PRX: variants seen among roughly 807,000 people sequenced by gnomAD.
PRX encodes the protein periaxin.
PRX carries 24 observed loss-of-function variants against 29.6 expected under a neutral mutation model. The observed-to-expected ratio is 0.81, with a 90% CI of 0.59 to 1.14. PRX has a LOEUF of 1.14. Among genes scored for constraint, PRX ranks in the 50% most tolerant of loss-of-function variants. The pLI is 0.00. For missense variants in PRX, 1,838 were observed against 1,926.4 expected, an observed-to-expected ratio of 0.95 and a Z score of 0.86; for synonymous variants, 772 against 831.7, an observed-to-expected ratio of 0.93 and a Z score of 1.24.
chr19:40,407,623 G>A lies in PRX; in HGVS notation c.27+283C>T, dbSNP rs1360415245. 5.2e-6 allele frequency: 3 copies of A among 574,088 alleles called. No homozygotes were observed. The Admixed American group carries it at 8.9e-5, about 17-fold the overall frequency. 35.6% of individuals were successfully genotyped at this position (574,088 alleles called of 1,614,324 possible). A position where few individuals can be genotyped will look rare whatever the true frequency, so the allele number is the denominator to read the frequency against. ...GCATATGCTGCCTCTTCTGATGAAG[G>A]GTTTCTGCCGGATTTTCTTCAGCTC... On this transcript the variant is annotated intron_variant, in intron 4 of 6. Coordinates refer to ENST00000324001, the MANE Select transcript of PRX (RefSeq NM_181882.3).
rs761085934 is a variant in PRX, at chr19:40,397,725, G to T, written c.627C>A (p.Ala209=). Reference sequence around the variant, plus strand: ...TGGCTTTCCTGGGGGGAGGAGCGGCGGCGGCCAGCCGGGCTGCCTGAGCCT... The same window carrying T: ...TGGCTTTCCTGGGGGGAGGAGCGGCTGCGGCCAGCCGGGCTGCCTGAGCCT... The part of the protein sequence containing the change: ...AEEAQAARLA[A]AAPPPRKAKV... The change falls in exon 7 of 7, where the codon GCC becomes GCA. Residue 209 remains alanine, a synonymous_variant. Coordinates refer to ENST00000324001, the MANE Select transcript of PRX (RefSeq NM_181882.3). 1 of 1,560,722 alleles carries T rather than the reference G, an allele frequency of 6.4e-7. No individual in the cohort carries two copies. Among genetic ancestry groups the T allele is most frequent in the Non-Finnish European group, 8.6e-7 (1 of 1,156,286 alleles).
rs1205612012 is a variant in PRX, at chr19:40,397,148, C to T, written c.1204G>A (p.Glu402Lys). 6.2e-7 allele frequency: 1 copy of T among 1,614,164 alleles called. No homozygotes were observed. The highest frequency in any genetic ancestry group is 2.2e-5 in the East Asian group (1 of 44,884). The change falls in exon 7 of 7, where the codon GAG (glutamate) becomes AAG (lysine). Residue 402 changes from glutamate to lysine, a missense_variant. Transcript: ENST00000324001. The stretch of plus-strand genomic sequence containing the variant: ...ACTTCAGGAGCAGCGGGCCGGGGCT[C>T]CAAGAGGGAAAGCCCAAAGGTGGGC... ...RMPTFGLSLL[E>K]PRPAAPEVVE...
intron 1 of PRX, among the ~76,000 whole-genome samples, chr19:40,409,322 T>A (rs2079547700): frequency 6.6e-6 from 1 of 152,052 alleles, no homozygotes; most frequent in Non-Finnish European, 1.5e-5. Context: ...AGCTCCTCTC[T>A]GTGCTTCAGT....
In PRX at chr19:40,394,044, C is replaced by T. The variant is rs1217891335; in HGVS notation, c.4308G>A (p.Arg1436=). ...TCTCTGAAAACCCCACGCTGGGCAG[C>T]CGCACCCGCAATCCACCCTCTTCCT... ...GDQEEGGLRV[R]LPSVGFSETG... The change falls in exon 7 of 7, where the codon CGG becomes CGA. Residue 1436 remains arginine (R), a synonymous_variant. Coordinates refer to ENST00000324001, the MANE Select transcript of PRX (RefSeq NM_181882.3). The surrounding 1 kb of genome is among the most constrained non-coding windows in gnomAD (Gnocchi z 5.8). The T allele has an allele frequency of 1.2e-6, 2 of 1,612,878 alleles. No individual in the cohort carries two copies. The highest frequency in any genetic ancestry group is 1.7e-6 in the Non-Finnish European group (2 of 1,179,252).
chr19:40,407,254 T>G (rs1187598533), intron 4 of PRX, among the ~76,000 whole-genome samples: 13 of 118,928 alleles, frequency 1.1e-4, no homozygotes, highest in Admixed American at 2.7e-4. Context: ...GTGTGTGTGT[T>G]TAGACAGGGT....
upstream of PRX, chr19:40,413,401 G>A (rs560497517): frequency 6.6e-6 from 1 of 152,290 alleles, no homozygotes; most frequent in African/African-American, 2.4e-5. Context: ...CCTAGGCTGG[G>A]GGGGAAAAGG....
In PRX at chr19:40,394,348, C is replaced by G; in HGVS notation, c.4004G>C (p.Arg1335Pro). 6.2e-7 allele frequency: 1 copy of G among 1,605,960 alleles called. No individual in the cohort carries two copies. Among genetic ancestry groups the G allele is most frequent in the East Asian group, 2.3e-5 (1 of 44,424 alleles). The change falls in exon 7 of 7, where the codon CGA (arginine) becomes CCA (proline). Residue 1335 changes from arginine to proline, a missense_variant. Transcript: ENST00000324001. The surrounding 1 kb of genome is among the most constrained non-coding windows in gnomAD (Gnocchi z 5.8). The stretch of plus-strand genomic sequence containing the variant: ...CATCTCACTTTGGCTGAAGCCCACT[C>G]GGGGCAGCCTGAGTTTGGGGCTCTT... The part of the protein sequence containing the change: ...KAKSPKLRLP[R>P]VGFSQSEMVT...
Position 40,394,878 on chromosome 19 carries a change from G to T in PRX, c.3474C>A (p.Thr1158=). The change falls in exon 7 of 7, where the codon ACC becomes ACA. Residue 1158 remains threonine, a synonymous_variant. Transcript: ENST00000324001. This position sits in a 1 kb window ranked among gnomAD's most constrained non-coding sequence, Gnocchi z 5.8. ...LGISLPQVEL[T]GFGEAGTPGQ... ...CTGGGGTACCTGCCTCCCCAAAGCC[G>T]GTCAGCTCCACCTGTGGCAGGGAGA... The T allele has an allele frequency of 1.9e-6, 3 of 1,611,444 alleles. No individual in the cohort carries two copies. Among genetic ancestry groups the T allele is most frequent in the Non-Finnish European group, 1.7e-6 (2 of 1,179,920 alleles).
rs923511245 is a variant in PRX at position 40,397,169 on chromosome 19, T to A, written c.1183A>T (p.Thr395Ser). Reference protein sequence around the residue: ...RVKGPRLRMPTFGLSLLEPRP... With the variant: ...RVKGPRLRMPSFGLSLLEPRP... ...GGCTCCAAGAGGGAAAGCCCAAAGGTGGGCATTCGAAGTCTGGGACCTTTC... is the reference window on the plus strand; with the variant it reads ...GGCTCCAAGAGGGAAAGCCCAAAGGAGGGCATTCGAAGTCTGGGACCTTTC... The change falls in exon 7 of 7, where the codon ACC becomes TCC. Residue 395 changes from threonine to serine, a missense_variant. By Grantham distance (58) the Thr-to-Ser change is moderately conservative. This residue lies in a region of PRX where 666 missense variants were observed against 665.0 expected (regional missense o/e 1.00). Coordinates refer to ENST00000324001, the MANE Select transcript of PRX (RefSeq NM_181882.3). 2 of 1,613,918 alleles carry A rather than the reference T, an allele frequency of 1.2e-6. No homozygotes were observed. The highest frequency in any genetic ancestry group is 2.7e-5 in the African/African-American group (2 of 74,896).
chr19:40,400,966 G>A (rs2079490251), intron 5 of PRX, among the ~76,000 whole-genome samples: 1 of 152,126 alleles, frequency 6.6e-6, no homozygotes, highest in African/African-American at 2.4e-5. Flanking sequence ...CCACCTGGGT[G>A]TCCCACACCA....
chr19:40,397,599 G>C lies in PRX; in HGVS notation c.753C>G (p.Val251=). 6.5e-7 allele frequency: 1 copy of C among 1,541,386 alleles called. No individual in the cohort carries two copies. Among genetic ancestry groups the C allele is most frequent in the Non-Finnish European group, 8.7e-7 (1 of 1,148,390 alleles). The change falls in exon 7 of 7, where the codon GTC becomes GTG. Residue 251 remains valine (V), a synonymous_variant. Transcript: ENST00000324001. ...CTGAGGGGGCAGCCTTGGGGGCTGAGACCTGGGGGACACCCACCTCCGCCC... is the reference window on the plus strand; with the variant it reads ...CTGAGGGGGCAGCCTTGGGGGCTGACACCTGGGGGACACCCACCTCCGCCC... The part of the protein sequence containing the change: ...LPGAEVGVPQ[V]SAPKAAPSAE...
chr19:40,410,341 A>T (rs1450364853), intron 1 of PRX, among the ~76,000 whole-genome samples: 1 of 152,156 alleles, frequency 6.6e-6, no homozygotes, highest in African/African-American at 2.4e-5. Context: ...TGCTGTGCTC[A>T]GTTGCATTCC....
At chr19:40,406,438 G>A (rs2079530888) in intron 4 of PRX, among the ~76,000 whole-genome samples, 2 of 151,958 alleles carry the variant, frequency 1.3e-5, no homozygotes, top group Admixed American at 1.3e-4. Flanking sequence ...AGGACACTAA[G>A]GCCCAGAGAG....
chr19:40,400,317 G>T (rs1196040737), intron 5 of PRX, among the ~76,000 whole-genome samples: 1 of 147,746 alleles, frequency 6.8e-6, no homozygotes, highest in Non-Finnish European at 1.5e-5. Flanking sequence ...ATCTCGCCAG[G>T]TGCGGTGGCT....
At chr19:40,407,736 T>G in intron 4 of PRX, 170 bp downstream of exon 4, 1 of 885,982 alleles carries the variant, frequency 1.1e-6, no homozygotes, top group Admixed American at 2.0e-5. Context: ...ACATTACATA[T>G]GTTAATTTTC....
Position 40,394,612 on chromosome 19 carries a change from A to C in PRX, c.3740T>G (p.Leu1247Trp). ...CCTAGCTCTGGCCCCCAGTGTGGGC[A>C]ACTTCAGCCTCAGCCCACCCTCGCC... is the stretch of plus-strand genomic sequence containing the variant. ...ATGEGGLRLK[L>W]PTLGARARVG... Residue 1247 changes from leucine to tryptophan, a missense_variant, in exon 7 of 7, where the codon TTG (leucine) becomes TGG (tryptophan). This residue lies in a region of PRX where 1,143 missense variants were observed against 1,193.0 expected (regional missense o/e 0.96). Transcript: ENST00000324001. The surrounding 1 kb of genome is among the most constrained non-coding windows in gnomAD (Gnocchi z 5.8). 3 of 1,607,720 alleles carry C rather than the reference A, an allele frequency of 1.9e-6. No homozygotes were observed. The highest frequency in any genetic ancestry group is 2.5e-6 in the Non-Finnish European group (3 of 1,179,176).
At chr19:40,400,276 C>G (rs1166049875) in intron 5 of PRX, among the ~76,000 whole-genome samples, 2 of 149,028 alleles carry the variant, frequency 1.3e-5, no homozygotes, top group African/African-American at 2.5e-5. Context: ...GCCACCGTGC[C>G]CAGCCCCTCC....
intron 1 of PRX, among the ~76,000 whole-genome samples, chr19:40,409,535 C>T (rs920546308): frequency 4.6e-5 from 7 of 151,198 alleles, no homozygotes; most frequent in South Asian, 2.1e-4. Context: ...TGAAGTGGTG[C>T]GAATTCGGCT....
chr19:40,410,276 T>C lies in PRX; in HGVS notation c.-242-1893A>G, dbSNP rs79563280. ...GGCATGCCAACCCGCCAACCCCTAT[T>C]GCACAGGGAAAGGTCAGGCCTCACG... On this transcript the variant is annotated intron_variant, in intron 1 of 6. Coordinates refer to ENST00000324001, the MANE Select transcript of PRX (RefSeq NM_181882.3). 1.3e-3 allele frequency among the ~76,000 whole-genome samples: 192 copies of C among 152,240 alleles called. No homozygotes were observed. The East Asian group carries it at 0.025, about 20-fold the overall frequency.
Sources: gnomAD v4.1 joint callset for allele counts (sites outside exome capture counted in the v4.1 genomes callset) on GRCh38, gnomAD v4.1.1 for gene constraint, gnomAD v4.1.1 regional missense constraint, Gnocchi (gnomAD v3.1) non-coding constraint, MANE v1.5 for transcripts, NCBI Gene and HGNC (gene_info 2026-07-23, HGNC 2026-07-21) for gene names.